The following CSMD1 variants were observed in gnomAD, a reference collection of about 807,000 sequenced individuals.
CSMD1 encodes the protein CUB and sushi domain-containing protein 1.
Under a neutral mutation model 417.5 loss-of-function variants are expected in CSMD1, and 213 were observed. The ratio of observed to expected loss-of-function variants is 0.51; its 90% confidence interval spans 0.46 to 0.57. The LOEUF (loss-of-function observed/expected upper bound fraction) is 0.57, where lower values mean the gene tolerates loss of function less well. Ranked by LOEUF, CSMD1 falls within the 20% of genes least tolerant of loss-of-function variation. The pLI, the probability that CSMD1 is intolerant of heterozygous loss-of-function variation, is 0.00. For synonymous variants in CSMD1, 2,862 were observed against 1,736.8 expected (o/e 1.65, Z -16.11); for missense variants, 6,923 against 4,529.7 (o/e 1.53, Z -15.17).
In CSMD1 at chr8:2,965,942, C is replaced by T. The variant is rs866715932; in HGVS notation, c.9113G>A (p.Gly3038Glu). 19 of 1,604,578 alleles carry T rather than the reference C, an allele frequency of 1.2e-5. No homozygotes were observed. The highest frequency in any genetic ancestry group is 2.7e-5 in the African/African-American group (2 of 74,776). The change falls in exon 59 of 70, where the codon GGG (glycine) becomes GAG (glutamate). Residue 3038 changes from glycine (G) to glutamate (E), a missense_variant. By Grantham distance (98) the Gly-to-Glu change is moderately conservative (BLOSUM62 -2). Transcript: ENST00000635120. ...GCCATTTGCTAGTGTGCCTGGATCC[C>T]CACAACTTATAACTAATAAACAGGG... ...TAPDCTIISC[G>E]DPGTLANGIQ...
chr8:3,340,062 C>G (rs892329218), intron 23 of CSMD1, among the ~76,000 whole-genome samples: 7 of 152,178 alleles, frequency 4.6e-5, no homozygotes, highest in Non-Finnish European at 1.0e-4. Context: ...CCAGGCAATT[C>G]CTCTGCATGT....
chr8:4,875,118 G>A (rs1321346303), intron 1 of CSMD1, among the ~76,000 whole-genome samples: 1 of 151,320 alleles, frequency 6.6e-6, no homozygotes, highest in African/African-American at 2.4e-5. Flanking sequence ...AAATACAGAA[G>A]CCCTCCTTCC....
chr8:4,448,709 C>A (rs1336479742), intron 2 of CSMD1, among the ~76,000 whole-genome samples: 1 of 152,124 alleles, frequency 6.6e-6, no homozygotes, highest in South Asian at 2.1e-4. Context: ...TTTGGCATTG[C>A]CCATTTCATC....
At chr8:3,669,955 A>C (rs1489014193) in intron 7 of CSMD1, among the ~76,000 whole-genome samples, 1 of 152,202 alleles carries the variant, frequency 6.6e-6, no homozygotes, top group Non-Finnish European at 1.5e-5. Context: ...ACCCAAGGAT[A>C]TAATTTATAC....
chr8:4,845,311 G>C (rs894521483), intron 1 of CSMD1, among the ~76,000 whole-genome samples: 1 of 152,170 alleles, frequency 6.6e-6, no homozygotes, highest in Non-Finnish European at 1.5e-5. Flanking sequence ...TAATGTGCTG[G>C]TTGTTTTCTT....
At chr8:4,080,243 T>A (rs1209227501) in intron 3 of CSMD1, among the ~76,000 whole-genome samples, 2 of 152,172 alleles carry the variant, frequency 1.3e-5, no homozygotes, top group Non-Finnish European at 2.9e-5. Flanking sequence ...CCATCATCAC[T>A]GCCTGCTTTT....
intron 5 of CSMD1, among the ~76,000 whole-genome samples, chr8:3,950,936 A>G (rs1200595491): frequency 6.6e-6 from 1 of 152,226 alleles, no homozygotes; most frequent in Non-Finnish European, 1.5e-5. Context: ...ATAAGCCCTG[A>G]ACAGACAAGA....
intron 21 of CSMD1, among the ~76,000 whole-genome samples, chr8:3,351,740 G>A (rs1026715741): frequency 7.0e-6 from 1 of 141,946 alleles, no homozygotes; most frequent in African/African-American, 2.6e-5. Flanking sequence ...TATTTAATAT[G>A]TATTAAATAT....
chr8:2,983,061 C>T (rs574758928), intron 54 of CSMD1, among the ~76,000 whole-genome samples: 1 of 152,302 alleles, frequency 6.6e-6, no homozygotes, highest in Non-Finnish European at 1.5e-5. Flanking sequence ...TGAGGAAACA[C>T]CGTGAACACT....
At chr8:3,928,705 C>CT (rs985266354) in intron 5 of CSMD1, among the ~76,000 whole-genome samples, 11 of 150,064 alleles carry the variant, frequency 7.3e-5, no homozygotes, top group African/African-American at 2.5e-4. Context: ...CTCTTTGGAT[C>CT]TATGCTATTT....
intron 3 of CSMD1, among the ~76,000 whole-genome samples, chr8:4,260,643 G>C (rs974067622): frequency 3.3e-5 from 5 of 152,124 alleles, no homozygotes; most frequent in Admixed American, 2.0e-4. Context: ...ATAAGTCCTT[G>C]TAATTGATTT....
chr8:4,375,533 TTAACA>T (rs1422962945), intron 3 of CSMD1, among the ~76,000 whole-genome samples: 1 of 152,110 alleles, frequency 6.6e-6, no homozygotes, highest in Admixed American at 6.6e-5. Context: ...TTTTTCCTCC[TTAACA>T]TTTTAGCCCA....
At chr8:3,680,483 C>T (rs11532845) in intron 7 of CSMD1, among the ~76,000 whole-genome samples, 1 of 151,976 alleles carries the variant, frequency 6.6e-6, no homozygotes, top group Admixed American at 6.5e-5. Flanking sequence ...CAAGACTAAA[C>T]CAGGAAGAAG....
intron 5 of CSMD1, among the ~76,000 whole-genome samples, chr8:3,789,997 C>A (rs922511625): frequency 6.6e-6 from 1 of 152,146 alleles, no homozygotes; most frequent in South Asian, 2.1e-4. Context: ...TCCCAAAGTG[C>A]TGGGATTACA....
intron 9 of CSMD1, among the ~76,000 whole-genome samples, chr8:3,582,882 A>G (rs980374118): frequency 3.3e-5 from 5 of 152,202 alleles, no homozygotes; most frequent in Non-Finnish European, 5.9e-5. Flanking sequence ...AAATAAACAC[A>G]TACCTTTCCC....
chr8:4,587,171 C>T (rs989843325), intron 2 of CSMD1, among the ~76,000 whole-genome samples: 1 of 152,110 alleles, frequency 6.6e-6, no homozygotes, highest in Non-Finnish European at 1.5e-5. Context: ...AGCCAACCAG[C>T]TTTTATGGCT....
intron 2 of CSMD1, among the ~76,000 whole-genome samples, chr8:4,509,837 C>T (rs532626577): frequency 2.0e-5 from 3 of 152,226 alleles, no homozygotes; most frequent in African/African-American, 7.2e-5. Flanking sequence ...GTTAAATTGC[C>T]CCAAGATTCA....
intron 3 of CSMD1, among the ~76,000 whole-genome samples, chr8:4,221,050 G>C (rs910079529): frequency 1.3e-5 from 2 of 152,044 alleles, no homozygotes; most frequent in African/African-American, 2.4e-5. Context: ...TTTCCCATGA[G>C]CGAAAAACCC....
intron 3 of CSMD1, among the ~76,000 whole-genome samples, chr8:4,307,087 T>G (rs1457446097): frequency 6.6e-6 from 1 of 152,042 alleles, no homozygotes; most frequent in East Asian, 1.9e-4. Context: ...TATTGCCAAT[T>G]TCAATTGTTT....
Sources: allele counts gnomAD v4.1 joint callset (sites outside exome capture counted in the v4.1 genomes callset), GRCh38; gene constraint gnomAD v4.1.1; transcripts MANE v1.5; gene names NCBI Gene and HGNC (gene_info 2026-07-23, HGNC 2026-07-21).